ZNF804B: variants seen among roughly 807,000 people sequenced by gnomAD.
ZNF804B encodes zinc finger protein 804B, also known as zinc finger 804B.
Under a neutral mutation model 101.4 loss-of-function variants are expected in ZNF804B, and 80 were observed. The ratio of observed to expected loss-of-function variants is 0.79; its 90% CI spans 0.66 to 0.95. The LOEUF is 0.95. Among genes scored for constraint, ZNF804B ranks in the 40% least tolerant of loss-of-function variants. The pLI, the probability that ZNF804B is intolerant of heterozygous loss-of-function variation, is 0.00. For missense variants in ZNF804B, 1,673 were observed against 1,561.9 expected, an observed-to-expected ratio of 1.07 and a Z score of -1.20; for synonymous variants, 622 against 558.8, an observed-to-expected ratio of 1.11 and a Z score of -1.59.
chr7:88,906,189 A>G lies in ZNF804B; in HGVS notation c.108+146105A>G, dbSNP rs541329897. Among the ~76,000 whole-genome samples the G allele has an allele frequency of 7.3e-5, 11 of 151,716 alleles. No individual in the cohort carries two copies. In the East Asian group the frequency reaches 1.8e-3, roughly 24 times the overall value. On this transcript the variant is annotated intron_variant, in intron 1 of 3. Transcript: ENST00000333190. ...TGTTTCTCTAGCTCACAGTCTATCA[A>G]CCGTTTTTGTTCTTTTGAAGAACTG... is the stretch of plus-strand genomic sequence containing the variant.
chr7:89,059,423 AT>A (rs1789342895), intron 1 of ZNF804B, among the ~76,000 whole-genome samples: 1 of 152,154 alleles, frequency 6.6e-6, no homozygotes, highest in South Asian at 2.1e-4. Flanking sequence ...GGCGTGTCAC[AT>A]GGCAAGAGTA....
chr7:88,891,625 T>C (rs768149443), intron 1 of ZNF804B, among the ~76,000 whole-genome samples: 1 of 151,598 alleles, frequency 6.6e-6, no homozygotes, highest in Non-Finnish European at 1.5e-5. Context: ...TAAGTAGATT[T>C]TTTTTTTTTA....
chr7:88,805,000 A>G (rs751253927), intron 1 of ZNF804B, among the ~76,000 whole-genome samples: 5 of 152,162 alleles, frequency 3.3e-5, no homozygotes, highest in Non-Finnish European at 7.4e-5. Flanking sequence ...ACACTAGAGT[A>G]TTTTTTAATA....
intron 1 of ZNF804B, among the ~76,000 whole-genome samples, chr7:88,937,006 A>T (rs1273360547): frequency 6.6e-6 from 1 of 151,942 alleles, no homozygotes. Context: ...AAAGACATGG[A>T]TATAAAGATA....
chr7:88,760,024 C>T lies in ZNF804B; in HGVS notation c.48C>T (p.His16=). The T allele has an allele frequency of 1.2e-6, 2 of 1,614,218 alleles. No homozygotes were observed. Among genetic ancestry groups the T allele is most frequent in the Non-Finnish European group, 1.7e-6 (2 of 1,180,034 alleles). The change falls in exon 1 of 4, where the codon CAC becomes CAT. Residue 16 remains histidine, a synonymous_variant. Transcript: ENST00000333190. ...VISSRHLSNG[H]YRGIKGVFRG... is the part of the protein sequence containing the mutation. Reference sequence around the variant, plus strand: ...GTTCGAGACATCTCAGCAATGGGCACTACCGGGGCATTAAAGGAGTCTTCA... The same window carrying T: ...GTTCGAGACATCTCAGCAATGGGCATTACCGGGGCATTAAAGGAGTCTTCA...
chr7:89,084,048 T>A (rs1789737397), intron 1 of ZNF804B, among the ~76,000 whole-genome samples: 1 of 151,938 alleles, frequency 6.6e-6, no homozygotes, highest in African/African-American at 2.4e-5. Flanking sequence ...AGGATGTAGG[T>A]CTGGCAAGTC....
In ZNF804B at chr7:88,924,074, C is replaced by T. The variant is rs754837181; in HGVS notation, c.108+163990C>T. ...CACCTTTTTCTCCAGGATAGAGTTC[C>T]GAGAATGGAGTTTCTGGGTCAGAGG... On this transcript the variant is annotated intron_variant, in intron 1 of 3. Transcript: ENST00000333190. Among the ~76,000 whole-genome samples the T allele has an allele frequency of 5.3e-5, 8 of 151,952 alleles. No individual in the cohort carries two copies. In the East Asian group the frequency reaches 1.2e-3, roughly 22 times the overall value.
At chr7:88,867,355 C>T (rs113162378) in intron 1 of ZNF804B, among the ~76,000 whole-genome samples, 1 of 152,330 alleles carries the variant, frequency 6.6e-6, no homozygotes, top group Non-Finnish European at 1.5e-5. Context: ...TGTGGTGTAA[C>T]TCCATTTGTG....
chr7:89,062,990 C>T (rs1365973923), intron 1 of ZNF804B, among the ~76,000 whole-genome samples: 1 of 151,990 alleles, frequency 6.6e-6, no homozygotes, highest in Non-Finnish European at 1.5e-5. Flanking sequence ...GATAGGTGTA[C>T]CTTCTAAGAT....
At chr7:89,171,414 T>C (rs890559609) in intron 1 of ZNF804B, among the ~76,000 whole-genome samples, 15 of 97,626 alleles carry the variant, frequency 1.5e-4, no homozygotes, top group African/African-American at 1.9e-4. Context: ...TTCTTCTTCT[T>C]CTTCTCCTTC....
intron 1 of ZNF804B, among the ~76,000 whole-genome samples, chr7:88,789,897 A>G (rs1236419023): frequency 6.6e-6 from 1 of 152,096 alleles, no homozygotes; most frequent in African/African-American, 2.4e-5. Flanking sequence ...AGGGATCCAG[A>G]TGCCTTTTTT....
chr7:89,284,689 T>G (rs1276377169), intron 2 of ZNF804B, among the ~76,000 whole-genome samples: 13 of 151,836 alleles, frequency 8.6e-5, no homozygotes, highest in Admixed American at 7.2e-4. Context: ...AAGGCACATC[T>G]GTAGACTCTA....
chr7:88,862,936 A>G (rs562794064), intron 1 of ZNF804B, among the ~76,000 whole-genome samples: 1 of 152,282 alleles, frequency 6.6e-6, no homozygotes, highest in East Asian at 1.9e-4. Flanking sequence ...GTCATCCCAC[A>G]TCTCACTGCA....
At chr7:88,920,713 T>G (rs1229792076) in intron 1 of ZNF804B, among the ~76,000 whole-genome samples, 1 of 152,054 alleles carries the variant, frequency 6.6e-6, no homozygotes, top group African/African-American at 2.4e-5. Flanking sequence ...TTTGATGATT[T>G]AAATATATAG....
intron 1 of ZNF804B, among the ~76,000 whole-genome samples, chr7:89,032,171 AT>A (rs1005597215): frequency 2.6e-5 from 4 of 152,106 alleles, no homozygotes; most frequent in African/African-American, 9.6e-5. Flanking sequence ...CAGAACGTTG[AT>A]TTTTTTCCCC....
chr7:89,274,550 C>T (rs1789950019), intron 2 of ZNF804B, among the ~76,000 whole-genome samples: 1 of 151,326 alleles, frequency 6.6e-6, no homozygotes, highest in Non-Finnish European at 1.5e-5. Flanking sequence ...TTTCTTACTC[C>T]CTGCTTCATT....
chr7:88,803,163 A>G (rs1240176365), intron 1 of ZNF804B, among the ~76,000 whole-genome samples: 2 of 152,058 alleles, frequency 1.3e-5, no homozygotes, highest in African/African-American at 2.4e-5. Flanking sequence ...TTCAGAAAAA[A>G]AAACGTTAAA....
At chr7:88,833,875 A>G (rs993290331) in intron 1 of ZNF804B, among the ~76,000 whole-genome samples, 1 of 151,814 alleles carries the variant, frequency 6.6e-6, no homozygotes, top group African/African-American at 2.4e-5. Flanking sequence ...GCATTTTTAT[A>G]CTTATGCCAA....
chr7:88,921,885 G>T (rs1054414880), intron 1 of ZNF804B, among the ~76,000 whole-genome samples: 6 of 151,948 alleles, frequency 3.9e-5, no homozygotes, highest in Admixed American at 2.6e-4. Flanking sequence ...ATTGATTGGG[G>T]TTAATTTCTA....
Sources: allele counts gnomAD v4.1 joint callset (sites outside exome capture counted in the v4.1 genomes callset), GRCh38; gene constraint gnomAD v4.1.1; transcripts MANE v1.5; gene names NCBI Gene and HGNC (gene_info 2026-07-23, HGNC 2026-07-21).